TGFBR3: variants seen among roughly 807,000 people sequenced by gnomAD.
TGFBR3 encodes transforming growth factor beta receptor type 3.
A neutral mutation model predicts 87.9 loss-of-function variants in TGFBR3; 46 were observed. That is an observed-to-expected ratio of 0.52 (90% CI 0.41 to 0.67). The LOEUF (loss-of-function observed/expected upper bound fraction) is 0.67, where lower values mean the gene tolerates loss of function less well. Among genes scored for constraint, TGFBR3 ranks in the 30% least tolerant of loss-of-function variants. The probability of loss-of-function intolerance (pLI) is 0.00; values close to 1 mark genes in which losing one functional copy is unlikely to be tolerated. For synonymous variants in TGFBR3, 381 were observed against 391.6 expected, an observed-to-expected ratio of 0.97 and a Z score of 0.32; for missense variants, 866 against 1,041.9, an observed-to-expected ratio of 0.83 and a Z score of 2.32.
intron 4 of TGFBR3, among the ~76,000 whole-genome samples, chr1:91,751,134 C>T (rs564206975): frequency 6.6e-5 from 10 of 152,186 alleles, no homozygotes; most frequent in African/African-American, 1.9e-4. Flanking sequence ...CCATCATACC[C>T]GGTATGCTAA....
At chr1:91,829,999 C>G (rs1301454497) in intron 2 of TGFBR3, 1 of 152,090 alleles carries the variant, frequency 6.6e-6, no homozygotes, top group Non-Finnish European at 1.5e-5. Flanking sequence ...TACAACAGCC[C>G]AGAACTCCCG....
At chr1:91,725,369 C>T (rs556050381) in intron 7 of TGFBR3, among the ~76,000 whole-genome samples, 1 of 152,280 alleles carries the variant, frequency 6.6e-6, no homozygotes. Context: ...CTAATTGTTC[C>T]TATAGACACT....
chr1:91,825,751 C>A (rs1021141907), intron 2 of TGFBR3, among the ~76,000 whole-genome samples: 1 of 152,116 alleles, frequency 6.6e-6, no homozygotes, highest in East Asian at 1.9e-4. Context: ...GAGGCCAAGG[C>A]GGGTGGATCA....
chr1:91,683,420 A>T lies in TGFBR3; in HGVS notation c.*319T>A, dbSNP rs1364490675. 3.5e-6 allele frequency: 2 copies of T among 566,952 alleles called. No individual in the cohort carries two copies. Among genetic ancestry groups the T allele is most frequent in the Non-Finnish European group, 6.7e-6 (2 of 300,586 alleles). 35.1% of individuals were successfully genotyped at this position (566,952 alleles called of 1,614,324 possible). A position where few individuals can be genotyped will look rare whatever the true frequency, so the allele number is the denominator to read the frequency against. ...ATTATGGATGTTCTCACCTGGACAAAGCAGCATTTTAAAAACTGGCATGTG... is the reference window on the plus strand; with the variant it reads ...ATTATGGATGTTCTCACCTGGACAATGCAGCATTTTAAAAACTGGCATGTG... On this transcript the variant is annotated 3_prime_UTR_variant, in exon 17 of 17. Coordinates refer to ENST00000212355, the MANE Select transcript of TGFBR3 (RefSeq NM_003243.5).
chr1:91,846,345 G>A (rs535416796), intron 2 of TGFBR3, among the ~76,000 whole-genome samples: 1 of 152,308 alleles, frequency 6.6e-6, no homozygotes, highest in Non-Finnish European at 1.5e-5. Flanking sequence ...CTTTGATAGG[G>A]TATTTCTAGA....
At chr1:91,864,994 G>A (rs536911331) in intron 1 of TGFBR3, among the ~76,000 whole-genome samples, 9 of 152,036 alleles carry the variant, frequency 5.9e-5, no homozygotes, top group Non-Finnish European at 1.3e-4. Flanking sequence ...CCTGAGGTCA[G>A]GAGTTCAAGA....
At chr1:91,741,219 G>T (rs1485491202) in intron 4 of TGFBR3, among the ~76,000 whole-genome samples, 3 of 152,142 alleles carry the variant, frequency 2.0e-5, no homozygotes, top group Non-Finnish European at 4.4e-5. Flanking sequence ...ATGACCCTGA[G>T]GTTCAATTAT....
chr1:91,860,933 A>C (rs12738467), intron 2 of TGFBR3, among the ~76,000 whole-genome samples: 1 of 111,934 alleles, frequency 8.9e-6, no homozygotes, highest in African/African-American at 3.9e-5. Context: ...CTCTGTCTCC[A>C]CAAAAAAAAA....
intron 2 of TGFBR3, among the ~76,000 whole-genome samples, chr1:91,801,519 T>C (rs369256843): frequency 6.6e-6 from 1 of 152,098 alleles, no homozygotes; most frequent in East Asian, 1.9e-4. Context: ...AATAAAAAAG[T>C]GGTCATAGAT....
At chr1:91,822,394 G>T (rs1321912999) in intron 2 of TGFBR3, among the ~76,000 whole-genome samples, 1 of 147,320 alleles carries the variant, frequency 6.8e-6, no homozygotes, top group Admixed American at 6.8e-5. Context: ...TAGAACAGAA[G>T]ATCAAGTCAA....
chr1:91,813,201 A>C (rs1332001313), intron 2 of TGFBR3, among the ~76,000 whole-genome samples: 1 of 152,184 alleles, frequency 6.6e-6, no homozygotes, highest in Non-Finnish European at 1.5e-5. Context: ...TCATAATATT[A>C]GTGACAATAT....
chr1:91,903,739 A>G (rs973522181), intron 1 of TGFBR3, among the ~76,000 whole-genome samples: 1 of 152,214 alleles, frequency 6.6e-6, no homozygotes, highest in Non-Finnish European at 1.5e-5. Flanking sequence ...AGACATTCTT[A>G]TTCCTGGCTC....
rs1180503068 is a variant in TGFBR3 at position 91,680,425 on chromosome 1, T to G, written c.*3314A>C. 1 of 453,938 alleles carries G rather than the reference T, an allele frequency of 2.2e-6. No homozygotes were observed. The highest frequency in any genetic ancestry group is 4.4e-6 in the Non-Finnish European group (1 of 226,798). The allele number at this position is 453,938 out of a possible 1,614,324, so 28.1% of individuals were successfully genotyped here. ...TATCAAAACTATACATCTAAGCATCTTCACAAAATAGCTGACACACTGAAC... is the reference window on the plus strand; with the variant it reads ...TATCAAAACTATACATCTAAGCATCGTCACAAAATAGCTGACACACTGAAC... On this transcript the variant is annotated 3_prime_UTR_variant, in exon 17 of 17. Coordinates refer to ENST00000212355, the MANE Select transcript of TGFBR3 (RefSeq NM_003243.5).
intron 2 of TGFBR3, among the ~76,000 whole-genome samples, chr1:91,893,708 G>A (rs559731648): frequency 6.6e-6 from 1 of 151,654 alleles, no homozygotes; most frequent in East Asian, 1.9e-4. Flanking sequence ...TCCTGACAAG[G>A]ATAATTAAGA....
intron 3 of TGFBR3, among the ~76,000 whole-genome samples, chr1:91,773,444 C>A (rs1265106691): frequency 2.6e-5 from 4 of 152,020 alleles, no homozygotes; most frequent in African/African-American, 9.7e-5. Flanking sequence ...ATTTGGGAGG[C>A]CAAGGCGGGC....
At chr1:91,736,451 A>G (rs1023599252) in intron 4 of TGFBR3, among the ~76,000 whole-genome samples, 2 of 138,952 alleles carry the variant, frequency 1.4e-5, no homozygotes, top group Admixed American at 1.6e-4. Flanking sequence ...CTGACTGCAC[A>G]CTTACTACGT....
At position 91,734,796 on chromosome 1, in the gene TGFBR3, A is replaced by G. The variant is rs866350954; in HGVS notation, c.548T>C (p.Ile183Thr). The change falls in exon 5 of 17, where the codon ATT becomes ACT. Residue 183 changes from isoleucine to threonine, a missense_variant. Transcript: ENST00000212355. ...TTTACCTTCCCCCACTTTAATATAA[A>G]TGTTTCTTGCTATCTTGAGTTCGGT... is the stretch of plus-strand genomic sequence containing the variant. ...SFTELKIARN[I>T]YIKVGEDQVF... 6.2e-7 allele frequency: 1 copy of G among 1,614,182 alleles called. No individual in the cohort carries two copies. The highest frequency in any genetic ancestry group is 8.5e-7 in the Non-Finnish European group (1 of 1,180,004).
At chr1:91,891,315 T>C (rs1164149558) in intron 2 of TGFBR3, among the ~76,000 whole-genome samples, 2 of 151,640 alleles carry the variant, frequency 1.3e-5, no homozygotes, top group East Asian at 1.9e-4. Flanking sequence ...CTAGGCAATG[T>C]GGTGAAACCC....
At chr1:91,721,816 G>A in intron 8 of TGFBR3, 139 bp downstream of exon 8, 1 of 762,300 alleles carries the variant, frequency 1.3e-6, no homozygotes, top group Admixed American at 2.9e-5. Context: ...GTAATTTTAA[G>A]CCTTCTGATA....
Sources: gnomAD v4.1 joint callset for allele counts (sites outside exome capture counted in the v4.1 genomes callset) on GRCh38, gnomAD v4.1.1 for gene constraint, MANE v1.5 for transcripts, NCBI Gene and HGNC (gene_info 2026-07-23, HGNC 2026-07-21) for gene names.